MAT2B: variants seen among roughly 807,000 people sequenced by gnomAD.
MAT2B encodes the protein methionine adenosyltransferase 2 non-catalytic beta subunit, also known as methionine adenosyltransferase 2 subunit beta.
In MAT2B, 16 loss-of-function variants were observed where a neutral mutation model predicts 36.1. The observed-to-expected ratio is 0.44, with a 90% CI of 0.30 to 0.67. MAT2B has a LOEUF of 0.67. Among genes scored for constraint, MAT2B ranks in the 30% least tolerant of loss-of-function variants. MAT2B has a pLI of 0.09. For synonymous variants in MAT2B, 148 were observed against 136.9 expected (o/e 1.08, Z -0.57); for missense variants, 332 against 398.2 (o/e 0.83, Z 1.42).
At chr5:163,511,265 A>AT (rs1165612098) in intron 1 of MAT2B, among the ~76,000 whole-genome samples, 4 of 40,678 alleles carry the variant, frequency 9.8e-5, no homozygotes, top group East Asian at 6.0e-4. Flanking sequence ...AACTTTTTTA[A>AT]TTAAAAAAAT....
intron 1 of MAT2B, among the ~76,000 whole-genome samples, chr5:163,506,437 G>C (rs1053370307): frequency 6.6e-6 from 1 of 152,026 alleles, no homozygotes; most frequent in Middle Eastern, 3.2e-3. Flanking sequence ...CATCTCTGGT[G>C]CCCCCCTCGC....
chr5:163,514,139 A>G, intron 4 of MAT2B, 145 bp downstream of exon 4: 1 of 598,496 alleles, frequency 1.7e-6, no homozygotes, highest in Non-Finnish European at 2.5e-6. Context: ...AAAGAAAATA[A>G]AAAATTCTAA....
chr5:163,506,022 G>A (rs939000918), intron 1 of MAT2B, among the ~76,000 whole-genome samples: 5 of 152,166 alleles, frequency 3.3e-5, no homozygotes, highest in Admixed American at 6.5e-5. Context: ...CTCTGCTCCT[G>A]AGGACGAAGA....
intron 5 of MAT2B, 100 bp downstream of exon 5, chr5:163,516,811 CA>C: frequency 2.3e-6 from 3 of 1,305,558 alleles, no homozygotes; most frequent in Non-Finnish European, 3.3e-6. Context: ...GAGTGAAAGC[CA>C]AAAGTGCTTT....
chr5:163,517,539 T>C, intron 5 of MAT2B, 22 bp from the exon 6 acceptor site: 1 of 1,416,636 alleles, frequency 7.1e-7, no homozygotes, highest in Non-Finnish European at 1.0e-6. Context: ...AACTATTGAA[T>C]TTATTGTGTC....
At position 163,513,536 on chromosome 5, in the gene MAT2B, G is replaced by C. The variant is rs751025963; in HGVS notation, c.259-19G>C. On this transcript the variant is annotated intron_variant, in intron 2 of 6. Transcript: ENST00000321757. Reference sequence around the variant, plus strand: ...TCATTTTATTTTGAGTTAAAAATACGTCAATGCTTAACTTCTAGCCCCATG... The same window carrying C: ...TCATTTTATTTTGAGTTAAAAATACCTCAATGCTTAACTTCTAGCCCCATG... The C allele has an allele frequency of 2.2e-6, 3 of 1,394,264 alleles. No homozygotes were observed. 86.4% of individuals were successfully genotyped at this position (1,394,264 alleles called of 1,614,324 possible).
intron 1 of MAT2B, among the ~76,000 whole-genome samples, chr5:163,509,454 C>T (rs1433150166): frequency 6.6e-6 from 1 of 152,132 alleles, no homozygotes; most frequent in Non-Finnish European, 1.5e-5. Flanking sequence ...TCACGATGAT[C>T]AGCATCACTT....
chr5:163,514,892 C>G (rs140654285), intron 4 of MAT2B, among the ~76,000 whole-genome samples: 2 of 152,244 alleles, frequency 1.3e-5, no homozygotes, highest in African/African-American at 4.8e-5. Context: ...TAACAGAATA[C>G]CAACAACTCA....
At chr5:163,509,245 T>C (rs425680) in intron 1 of MAT2B, among the ~76,000 whole-genome samples, 20,293 of 151,336 alleles carry the variant, frequency 0.13, 1,621 homozygotes, top group Middle Eastern at 0.17. Flanking sequence ...ATTCATTGTT[T>C]AGTAACTTTT....
At chr5:163,513,213 A>T (rs1760074572) in intron 2 of MAT2B, 1 of 187,734 alleles carries the variant, frequency 5.3e-6, no homozygotes, top group African/African-American at 2.4e-5. Context: ...CTTATCTTGA[A>T]CTCCTGGCCT....
intron 4 of MAT2B, among the ~76,000 whole-genome samples, chr5:163,515,968 C>G (rs989912564): frequency 2.6e-5 from 4 of 151,896 alleles, no homozygotes; most frequent in African/African-American, 9.7e-5. Context: ...CTCCTGGGCT[C>G]AAGTAGTCCT....
At position 163,519,149 on chromosome 5, in the gene MAT2B, T is replaced by C. The variant is rs1344524280; in HGVS notation, c.*786T>C. On this transcript the variant is annotated 3_prime_UTR_variant, in exon 7 of 7. Coordinates refer to ENST00000321757, the MANE Select transcript of MAT2B (RefSeq NM_013283.5). ...ATAATAAATATGTACTGCTGGCATGTAATGCTTAGTTTTCTTGTATTTACT... is the reference window on the plus strand; with the variant it reads ...ATAATAAATATGTACTGCTGGCATGCAATGCTTAGTTTTCTTGTATTTACT... 1 of 152,202 alleles carries C rather than the reference T, an allele frequency of 6.6e-6. No individual in the cohort carries two copies. Among genetic ancestry groups the C allele is most frequent in the African/African-American group, 2.4e-5 (1 of 41,454 alleles). 9.4% of individuals were successfully genotyped at this position (152,202 alleles called of 1,614,324 possible).
chr5:163,512,323 C>G, intron 2 of MAT2B, 127 bp downstream of exon 2: 1 of 784,796 alleles, frequency 1.3e-6, no homozygotes, highest in South Asian at 1.6e-5. Flanking sequence ...TATGCAGTAG[C>G]ATTTTTTTCA....
chr5:163,505,469 G>A, upstream of MAT2B: 2 of 1,192,144 alleles, frequency 1.7e-6, no homozygotes, highest in Non-Finnish European at 2.1e-6. Context: ...ATCGGCGCGT[G>A]GGCTGGGGGC....
At chr5:163,505,050 AG>A (rs762752345), upstream of MAT2B, among the ~76,000 whole-genome samples, 11 of 152,158 alleles carry the variant, frequency 7.2e-5, no homozygotes, top group Non-Finnish European at 1.2e-4. Context: ...AGTTAAAAAT[AG>A]TTTTACATTT....
At chr5:163,518,002 C>T in intron 6 of MAT2B, 191 bp from the exon 7 acceptor site, 1 of 523,876 alleles carries the variant, frequency 1.9e-6, no homozygotes, top group Non-Finnish European at 3.3e-6. Flanking sequence ...CCTGTAATCC[C>T]AACACTTTGG....
chr5:163,517,224 TTTG>T, intron 5 of MAT2B: 1 of 193,896 alleles, frequency 5.2e-6, no homozygotes, highest in South Asian at 1.4e-4. Flanking sequence ...CTATTAAGTT[TTTG>T]TTGTAGCTTG....
At chr5:163,510,029 T>C (rs985258005) in intron 1 of MAT2B, among the ~76,000 whole-genome samples, 1 of 152,178 alleles carries the variant, frequency 6.6e-6, no homozygotes, top group East Asian at 1.9e-4. Context: ...TAAAAAAAAA[T>C]GTATGTATTC....
intron 4 of MAT2B, among the ~76,000 whole-genome samples, chr5:163,514,873 G>A (rs1045639688): frequency 9.9e-5 from 15 of 151,982 alleles, no homozygotes; most frequent in South Asian, 2.1e-4. Context: ...AGTTTATTTC[G>A]TGCTGCTATA....
Sources: allele counts gnomAD v4.1 joint callset (sites outside exome capture counted in the v4.1 genomes callset), GRCh38; gene constraint gnomAD v4.1.1; transcripts MANE v1.5; gene names NCBI Gene and HGNC (gene_info 2026-07-23, HGNC 2026-07-21).